Variants in CYFIP2 observed in about 807,000 individuals in gnomAD.
CYFIP2 encodes the protein cytoplasmic FMR1 interacting protein 2.
CYFIP2 carries 29 observed loss-of-function variants against 158.7 expected under a neutral mutation model. The ratio of observed to expected loss-of-function variants is 0.18; its 90% confidence interval spans 0.14 to 0.25. The LOEUF (loss-of-function observed/expected upper bound fraction) is 0.25, where lower values mean the gene tolerates loss of function less well. Among genes scored for constraint, CYFIP2 ranks in the 10% least tolerant of loss-of-function variants. The pLI, the probability that CYFIP2 is intolerant of heterozygous loss-of-function variation, is 1.00. For synonymous variants in CYFIP2, 585 were observed against 617.6 expected (o/e 0.95, Z 0.78); for missense variants, 852 against 1,639.5 (o/e 0.52, Z 8.29).
Position 157,390,520 on chromosome 5 carries a change from G to A in CYFIP2, c.3447-1G>A. 6.8e-7 allele frequency: 1 copy of A among 1,472,722 alleles called. No individual in the cohort carries two copies. 91.2% of individuals were successfully genotyped at this position (1,472,722 alleles called of 1,614,324 possible). Reference sequence around the variant, plus strand: ...CAGCTGCTTCCTCCCCCTGCTCCCAGGCAGTGTTTCGGCGATGGCTTGAAC... The same window carrying A: ...CAGCTGCTTCCTCCCCCTGCTCCCAAGCAGTGTTTCGGCGATGGCTTGAAC... On this transcript the variant is annotated splice_acceptor_variant, in intron 29 of 30. Transcript: ENST00000620254. LOFTEE classifies it high-confidence loss of function.
At chr5:157,294,738 G>A (rs1462079536) in intron 3 of CYFIP2, 45 bp from the exon 4 acceptor site, 4 of 1,563,496 alleles carry the variant, frequency 2.6e-6, no homozygotes, top group Non-Finnish European at 3.5e-6. Flanking sequence ...CAGCCTGGTG[G>A]CACCCGTCTT....
Position 157,359,088 on chromosome 5 carries a change from C to G in CYFIP2, c.2757C>G (p.Leu919=), listed in dbSNP as rs751738375. The G allele has an allele frequency of 3.1e-6, 5 of 1,614,010 alleles. No individual in the cohort carries two copies. In the Admixed American group the frequency reaches 6.7e-5, roughly 22 times the overall value. ...CTCATTTCAAGACTATCTGCAGACT[C>G]CTGGGTTATCAGGGCATCGCTGTGG... ...GPPHFKTICR[L]LGYQGIAVVM... is the part of the protein sequence containing the mutation. The change falls in exon 24 of 31, where the codon CTC becomes CTG. Residue 919 remains leucine, a synonymous_variant. Transcript: ENST00000620254.
chr5:157,352,942 G>A (rs1294121722), intron 23 of CYFIP2, among the ~76,000 whole-genome samples: 1 of 152,314 alleles, frequency 6.6e-6, no homozygotes, highest in South Asian at 2.1e-4. Flanking sequence ...GATTGGAGTG[G>A]TGCAGCTGCA....
chr5:157,300,427 C>T (rs551800461), intron 5 of CYFIP2, among the ~76,000 whole-genome samples: 4 of 151,502 alleles, frequency 2.6e-5, no homozygotes, highest in Admixed American at 6.6e-5. Context: ...CCCAGCTACT[C>T]GGGAGGCTGA....
At chr5:157,309,606 A>G (rs1258755112) in intron 9 of CYFIP2, 137 bp from the exon 10 acceptor site, 4 of 710,352 alleles carry the variant, frequency 5.6e-6, no homozygotes, top group Admixed American at 5.0e-5. Flanking sequence ...GTCACATGGT[A>G]GCGTCATCGG....
rs116468708 is a variant in CYFIP2 at position 157,275,620 on chromosome 5, G to A, written c.-24+9425G>A. On this transcript the variant is annotated intron_variant, in intron 1 of 30. Transcript: ENST00000620254. ...TTCCTCCCACCCCCAAGATTGTCTT[G>A]ATTATCCTGAGTGAGTCCCTTGAAT... is the stretch of plus-strand genomic sequence containing the variant. Among the ~76,000 whole-genome samples, 127 of 152,236 alleles carry A rather than the reference G, an allele frequency of 8.3e-4. 2 individuals are homozygous for A. Among genetic ancestry groups the A allele is most frequent in the African/African-American group, 2.9e-3 (122 of 41,526 alleles).
At chr5:157,392,801 G>C in intron 30 of CYFIP2, 32 bp from the exon 31 acceptor site, 1 of 1,610,132 alleles carries the variant, frequency 6.2e-7, no homozygotes, top group Non-Finnish European at 8.5e-7. Flanking sequence ...ACTTTGTCCT[G>C]CCCTAACTTG....
At chr5:157,281,910 C>T (rs567749028) in intron 1 of CYFIP2, among the ~76,000 whole-genome samples, 2 of 152,152 alleles carry the variant, frequency 1.3e-5, no homozygotes, top group South Asian at 2.1e-4. Context: ...TGTGTGTAGA[C>T]ATCTGCAGCC....
At chr5:157,292,172 A>G (rs1757872541) in intron 3 of CYFIP2, among the ~76,000 whole-genome samples, 1 of 151,936 alleles carries the variant, frequency 6.6e-6, no homozygotes, top group South Asian at 2.1e-4. Flanking sequence ...TCTTTTACTT[A>G]ACATAATGTT....
intron 3 of CYFIP2, among the ~76,000 whole-genome samples, chr5:157,292,220 A>ATTTTTTTTTTTTTTT (rs1206119572): frequency 6.8e-6 from 1 of 147,654 alleles, no homozygotes; most frequent in African/African-American, 2.5e-5. Context: ...TTTTATTTTT[A>ATTTTTTTTTTTTTTT]TTTTTTTATT....
At chr5:157,338,048 A>G (rs1457895175) in intron 21 of CYFIP2, among the ~76,000 whole-genome samples, 1 of 152,238 alleles carries the variant, frequency 6.6e-6, no homozygotes, top group Non-Finnish European at 1.5e-5. Flanking sequence ...GGAGTGGCCT[A>G]AGGTGCTTTC....
At chr5:157,392,535 T>TC (rs1767411589) in intron 30 of CYFIP2, among the ~76,000 whole-genome samples, 1 of 152,246 alleles carries the variant, frequency 6.6e-6, no homozygotes, top group African/African-American at 2.4e-5. Context: ...ATCATATGTG[T>TC]AATAGTGTAT....
intron 23 of CYFIP2, among the ~76,000 whole-genome samples, chr5:157,357,760 C>T (rs1763510438): frequency 6.6e-6 from 1 of 151,576 alleles, no homozygotes; most frequent in South Asian, 2.1e-4. Flanking sequence ...GAACCCGAGG[C>T]AGAGATTGCA....
At chr5:157,309,513 C>T (rs888011348) in intron 9 of CYFIP2, among the ~76,000 whole-genome samples, 10 of 152,182 alleles carry the variant, frequency 6.6e-5, no homozygotes, top group African/African-American at 2.4e-4. Flanking sequence ...CTTTGCCTCT[C>T]TGGGCTCCGT....
Position 157,287,060 on chromosome 5 carries a change from C to A in CYFIP2, c.159C>A (p.Val53=). ...DTNFEDRNAF[V]TGIARYIEQA... ...ACTTTGAGGACAGGAATGCATTTGT[C>A]ACGGGCATTGCAAGGTACATTGAGC... The change falls in exon 3 of 31, where the codon GTC becomes GTA. Residue 53 remains valine (V), a synonymous_variant. Coordinates refer to ENST00000620254, the MANE Select transcript of CYFIP2 (RefSeq NM_001037333.3). 1.2e-6 allele frequency: 2 copies of A among 1,613,606 alleles called. No homozygotes were observed. The highest frequency in any genetic ancestry group is 1.3e-5 in the African/African-American group (1 of 75,008).
chr5:157,390,473 C>CA, intron 29 of CYFIP2, 48 bp from the exon 30 acceptor site: 10 of 1,456,802 alleles, frequency 6.9e-6, no homozygotes, highest in Non-Finnish European at 9.3e-6. Context: ...CCTCCCTGCC[C>CA]TCCTCCCCCG....
intron 17 of CYFIP2, chr5:157,325,872 A>G (rs1760983071): frequency 3.6e-6 from 2 of 548,642 alleles, no homozygotes; most frequent in South Asian, 5.6e-5. Flanking sequence ...CATAACAGCT[A>G]TGCTCAGAAA....
intron 15 of CYFIP2, among the ~76,000 whole-genome samples, chr5:157,321,279 C>G (rs1172991649): frequency 6.6e-6 from 1 of 152,238 alleles, no homozygotes; most frequent in African/African-American, 2.4e-5. Flanking sequence ...CTTGAGCTTT[C>G]TGAGCTCTGA....
Position 157,314,581 on chromosome 5 carries a change from C to A in CYFIP2, c.1230+118C>A. On this transcript the variant is annotated intron_variant, in intron 12 of 30. Coordinates refer to ENST00000620254, the MANE Select transcript of CYFIP2 (RefSeq NM_001037333.3). ...ACGGAGTTACAATTCACGTACCATA[C>A]GATTTACCCATTTAAAGTATAAGTT... The A allele has an allele frequency of 2.2e-6, 3 of 1,350,166 alleles. No individual in the cohort carries two copies. In the South Asian group the frequency reaches 4.7e-5, roughly 21 times the overall value. The allele number at this position is 1,350,166 out of a possible 1,614,324, so 83.6% of individuals were successfully genotyped here.
Sources: gnomAD v4.1 joint callset for allele counts (sites outside exome capture counted in the v4.1 genomes callset) on GRCh38, gnomAD v4.1.1 for gene constraint, MANE v1.5 for transcripts, NCBI Gene and HGNC (gene_info 2026-07-23, HGNC 2026-07-21) for gene names.